TRPC3: variants seen among roughly 807,000 people sequenced by gnomAD.
TRPC3 encodes the protein short transient receptor potential channel 3.
In TRPC3, 54 loss-of-function variants were observed where a neutral mutation model predicts 90.9. The ratio of observed to expected loss-of-function variants is 0.59; its 90% confidence interval spans 0.48 to 0.75. The LOEUF is 0.75. TRPC3 is among the 30% of genes least tolerant of loss of function. The pLI, the probability that TRPC3 is intolerant of heterozygous loss-of-function variation, is 0.00. For missense variants in TRPC3, 918 were observed against 1,194.5 expected (o/e 0.77, Z 3.41); for synonymous variants, 424 against 450.9 (o/e 0.94, Z 0.75).
intron 4 of TRPC3, among the ~76,000 whole-genome samples, chr4:121,912,771 G>T (rs1266777818): frequency 6.6e-6 from 1 of 152,022 alleles, no homozygotes; most frequent in African/African-American, 2.4e-5. Flanking sequence ...TGGTACAAAG[G>T]GACTTCCAAA....
chr4:121,907,391 A>C lies in TRPC3; in HGVS notation c.1969T>G (p.Phe657Val). Reference sequence around the variant, plus strand: ...ATAAAGGCAAAAAACACCATAATAAAGAGGACCATGAACTTGAATATGTCC... The same window carrying C: ...ATAAAGGCAAAAAACACCATAATAACGAGGACCATGAACTTGAATATGTCC... Reference protein sequence around the residue: ...VKDIFKFMVLFIMVFFAFMIG... With the variant: ...VKDIFKFMVLVIMVFFAFMIG... Residue 657 changes from phenylalanine to valine, a missense_variant, in exon 7 of 12, where the codon TTT becomes GTT. Coordinates refer to ENST00000379645, the MANE Select transcript of TRPC3 (RefSeq NM_001130698.2). 3 of 1,613,522 alleles carry C rather than the reference A, an allele frequency of 1.9e-6. No homozygotes were observed. The highest frequency in any genetic ancestry group is 2.5e-6 in the Non-Finnish European group (3 of 1,179,554).
At chr4:121,911,599 C>G (rs972768169) in intron 5 of TRPC3, among the ~76,000 whole-genome samples, 2 of 152,132 alleles carry the variant, frequency 1.3e-5, no homozygotes, top group African/African-American at 4.8e-5. Context: ...CATTTTAAAA[C>G]TTACATCTTG....
intron 10 of TRPC3, among the ~76,000 whole-genome samples, chr4:121,892,513 G>A (rs1240154769): frequency 4.6e-5 from 7 of 152,110 alleles, no homozygotes; most frequent in Non-Finnish European, 5.9e-5. Flanking sequence ...GCAGTAATAC[G>A]ATGGAAAAAG....
intron 3 of TRPC3, among the ~76,000 whole-genome samples, chr4:121,917,317 T>C (rs1160677955): frequency 2.0e-5 from 3 of 152,216 alleles, no homozygotes; most frequent in Admixed American, 6.5e-5. Context: ...GACAACTTTC[T>C]AGGATTCTTG....
chr4:121,928,785 A>G (rs1188372625), intron 2 of TRPC3, among the ~76,000 whole-genome samples: 2 of 152,086 alleles, frequency 1.3e-5, no homozygotes, highest in East Asian at 3.8e-4. Context: ...GGTTCTGCAC[A>G]CTCCTTTTAA....
chr4:121,892,140 T>C (rs992017415), intron 10 of TRPC3, among the ~76,000 whole-genome samples: 6 of 152,218 alleles, frequency 3.9e-5, no homozygotes, highest in Middle Eastern at 3.2e-3. Context: ...ATTTTCTTCA[T>C]AGTTTAGAGC....
At chr4:121,939,581 T>C (rs1012305384) in intron 1 of TRPC3, among the ~76,000 whole-genome samples, 10 of 152,224 alleles carry the variant, frequency 6.6e-5, no homozygotes, top group African/African-American at 2.4e-4. Flanking sequence ...TGGAATGATA[T>C]GGGAAAAGCA....
In TRPC3 at chr4:121,875,889, A is replaced by ATTTTTTT. The variant is rs1163932789; in HGVS notation, c.*3840_*3846dup. Among the ~76,000 whole-genome samples, 1 of 75,094 alleles carries ATTTTTTT rather than the reference A, an allele frequency of 1.3e-5. No homozygotes were observed. Among genetic ancestry groups the ATTTTTTT allele is most frequent in the South Asian group, 5.8e-4 (1 of 1,734 alleles). The allele number at this position is 75,094 out of a possible 152,430, so 49.3% of individuals were successfully genotyped here. On this transcript the variant is annotated 3_prime_UTR_variant, in exon 12 of 12. Transcript: ENST00000379645. ...ACAAAGTTATAAATACCCATTTTAG[A>ATTTTTTT]TTTTTTTTTTTTTTTTTTTTTTTTT...
rs971438222 is a variant in TRPC3 at position 121,911,807 on chromosome 4, A to G, written c.1558+70T>C. 2.8e-6 allele frequency: 4 copies of G among 1,434,050 alleles called. No homozygotes were observed. In the African/African-American group the frequency reaches 4.4e-5, roughly 16 times the overall value. 88.8% of individuals were successfully genotyped at this position (1,434,050 alleles called of 1,614,324 possible). On this transcript the variant is annotated intron_variant, in intron 5 of 11. Transcript: ENST00000379645. ...TAAGATATAATAACATTTTTTTTCA[A>G]TAGAAAATGACAATTATTTCTATAA...
At chr4:121,922,986 C>T (rs957040578) in intron 3 of TRPC3, among the ~76,000 whole-genome samples, 31 of 152,074 alleles carry the variant, frequency 2.0e-4, no homozygotes, top group Admixed American at 5.9e-4. Context: ...AATGGTTGAC[C>T]AAAATCTTGC....
Position 121,951,555 on chromosome 4 carries a change from G to A in TRPC3, c.126C>T (p.Gly42=), listed in dbSNP as rs1250928153. The change falls in exon 1 of 12, where the codon GGC becomes GGT. Residue 42 remains glycine (G), a synonymous_variant. Coordinates refer to ENST00000379645, the MANE Select transcript of TRPC3 (RefSeq NM_001130698.2). This position sits in a 1 kb window ranked among gnomAD's most constrained non-coding sequence, Gnocchi z 4.4. ...AGCGCGGCTCCAGCCCCCCGTTGACGCCCCTCCAGCCCCGGCGGCGGCGCT... is the reference window on the plus strand; with the variant it reads ...AGCGCGGCTCCAGCCCCCCGTTGACACCCCTCCAGCCCCGGCGGCGGCGCT... The part of the protein sequence containing the change: ...EPQRRRRGWR[G]VNGGLEPRSA... 7.0e-7 allele frequency: 1 copy of A among 1,432,990 alleles called. No individual in the cohort carries two copies. The highest frequency in any genetic ancestry group is 9.2e-7 in the Non-Finnish European group (1 of 1,090,046). The allele number at this position is 1,432,990 out of a possible 1,614,324, so 88.8% of individuals were successfully genotyped here.
chr4:121,919,956 T>C (rs1450960420), intron 3 of TRPC3, among the ~76,000 whole-genome samples: 2 of 152,136 alleles, frequency 1.3e-5, no homozygotes, highest in Non-Finnish European at 2.9e-5. Context: ...GGGAGTGGAT[T>C]AATGTTCAGC....
intron 3 of TRPC3, among the ~76,000 whole-genome samples, chr4:121,923,077 G>A (rs1188694762): frequency 1.3e-5 from 2 of 150,158 alleles, no homozygotes; most frequent in African/African-American, 2.4e-5. Context: ...GAGGAGGGGA[G>A]AGAGAAAGAG....
intron 4 of TRPC3, among the ~76,000 whole-genome samples, chr4:121,913,240 A>G (rs536333132): frequency 1.6e-4 from 24 of 152,356 alleles, no homozygotes; most frequent in Non-Finnish European, 3.1e-4. Context: ...GCTTATCCGT[A>G]GCACATAGAA....
chr4:121,904,179 A>C (rs1428381391), intron 8 of TRPC3, 143 bp downstream of exon 8: 1 of 663,780 alleles, frequency 1.5e-6, no homozygotes, highest in Non-Finnish European at 2.4e-6. Flanking sequence ...CCAGGTAGAA[A>C]ACACAGGGAA....
rs1443590023 is a variant in TRPC3 at position 121,875,698 on chromosome 4, T to C, written c.*4038A>G. On this transcript the variant is annotated 3_prime_UTR_variant, in exon 12 of 12. Transcript: ENST00000379645. Reference sequence around the variant, plus strand: ...CTAAAGCAACCATTATGAGTATAAGTTAAACAACTTATGGCTAAAAATAAA... The same window carrying C: ...CTAAAGCAACCATTATGAGTATAAGCTAAACAACTTATGGCTAAAAATAAA... Among the ~76,000 whole-genome samples the C allele has an allele frequency of 3.3e-5, 5 of 152,026 alleles. No homozygotes were observed. The highest frequency in any genetic ancestry group is 1.2e-4 in the African/African-American group (5 of 41,398).
intron 10 of TRPC3, among the ~76,000 whole-genome samples, chr4:121,882,959 TGTAA>T (rs1340583721): frequency 3.9e-5 from 6 of 152,126 alleles, no homozygotes; most frequent in Non-Finnish European, 8.8e-5. Context: ...TACTAATTAC[TGTAA>T]GTATTATATT....
At chr4:121,921,740 G>T (rs1163463321) in intron 3 of TRPC3, among the ~76,000 whole-genome samples, 1 of 151,922 alleles carries the variant, frequency 6.6e-6, no homozygotes, top group Non-Finnish European at 1.5e-5. Context: ...GTGCCAGAGT[G>T]GGCAGGGTTT....
At position 121,932,126 on chromosome 4, in the gene TRPC3, G is replaced by C. The variant is rs1431698220; in HGVS notation, c.987+145C>G. 7.8e-7 allele frequency: 1 copy of C among 1,278,482 alleles called. No homozygotes were observed. Among genetic ancestry groups the C allele is most frequent in the Non-Finnish European group, 1.1e-6 (1 of 945,392 alleles). The allele number at this position is 1,278,482 out of a possible 1,614,324, so 79.2% of individuals were successfully genotyped here. A position where few individuals can be genotyped will look rare whatever the true frequency, so the allele number is the denominator to read the frequency against. ...GAGGGAGAAAGAAAACATTAGATGA[G>C]GTCTGAATGACGTTCTCAGTCCCTC... On this transcript the variant is annotated intron_variant, in intron 2 of 11. Transcript: ENST00000379645. The surrounding 1 kb of genome is among the most constrained non-coding windows in gnomAD (Gnocchi z 7.7).
Sources: gnomAD v4.1 joint callset for allele counts (sites outside exome capture counted in the v4.1 genomes callset) on GRCh38, gnomAD v4.1.1 for gene constraint, Gnocchi (gnomAD v3.1) non-coding constraint, MANE v1.5 for transcripts, NCBI Gene and HGNC (gene_info 2026-07-23, HGNC 2026-07-21) for gene names.